CNTNAP2: variants seen among roughly 807,000 people sequenced by gnomAD.
CNTNAP2 encodes the protein contactin associated protein 2, also known as contactin-associated protein-like 2.
CNTNAP2 carries 98 observed loss-of-function variants against 155.2 expected under a neutral mutation model. The ratio of observed to expected loss-of-function variants is 0.63; its 90% CI spans 0.54 to 0.75. CNTNAP2 has a LOEUF of 0.75. CNTNAP2 is among the 30% of genes least tolerant of loss of function. The pLI is 0.00. For missense variants in CNTNAP2, 1,727 were observed against 1,688.1 expected, an observed-to-expected ratio of 1.02 and a Z score of -0.40; for synonymous variants, 651 against 631.2, an observed-to-expected ratio of 1.03 and a Z score of -0.47.
chr7:146,761,028 C>G (rs1010245975), intron 1 of CNTNAP2, among the ~76,000 whole-genome samples: 1 of 152,086 alleles, frequency 6.6e-6, no homozygotes, highest in Non-Finnish European at 1.5e-5. Flanking sequence ...CAAACAGGGT[C>G]AAATGAATAA....
chr7:148,209,073 T>C (rs1056455919), intron 18 of CNTNAP2, among the ~76,000 whole-genome samples: 1 of 152,172 alleles, frequency 6.6e-6, no homozygotes, highest in African/African-American at 2.4e-5. Flanking sequence ...TTTGGCTCTT[T>C]GACTTCTATG....
intron 1 of CNTNAP2, among the ~76,000 whole-genome samples, chr7:146,370,244 A>C (rs907037429): frequency 1.4e-5 from 2 of 145,744 alleles, no homozygotes; most frequent in Non-Finnish European, 3.0e-5. Flanking sequence ...CAATAGGTGA[A>C]ACCCCATCTC....
intron 13 of CNTNAP2, among the ~76,000 whole-genome samples, chr7:147,862,659 A>G (rs1364030966): frequency 6.6e-6 from 1 of 152,070 alleles, no homozygotes; most frequent in East Asian, 1.9e-4. Context: ...ACACACATAT[A>G]CACATACACA....
rs116779990 is a variant in CNTNAP2 at position 147,584,059 on chromosome 7, G to A, written c.1897+21802G>A. Among the ~76,000 whole-genome samples the A allele has an allele frequency of 6.5e-3, 990 of 152,166 alleles. 11 individuals are homozygous for A. The highest frequency in any genetic ancestry group is 0.023 in the African/African-American group (948 of 41,498). ...TGTAGACAGAGAGAACCATTCAGAG[G>A]GCACATCAGTGATTCAAGCCGCAAA... On this transcript the variant is annotated intron_variant, in intron 12 of 23. Coordinates refer to ENST00000361727, the MANE Select transcript of CNTNAP2 (RefSeq NM_014141.6).
chr7:146,659,634 TG>T (rs1428734006), intron 1 of CNTNAP2, among the ~76,000 whole-genome samples: 2 of 152,196 alleles, frequency 1.3e-5, no homozygotes, highest in Non-Finnish European at 2.9e-5. Flanking sequence ...TAACAAAATG[TG>T]TTTAAAGAGT....
rs564667160 is a variant in CNTNAP2 at position 148,336,617 on chromosome 7, G to A, written c.3476-47032G>A. ...AGTAGTCATTTTAACAACTGGCGGAGCCAAGAAAATGCGATCTAGTTTCCC... is the reference window on the plus strand; with the variant it reads ...AGTAGTCATTTTAACAACTGGCGGAACCAAGAAAATGCGATCTAGTTTCCC... On this transcript the variant is annotated intron_variant, in intron 21 of 23. Transcript: ENST00000361727. 2.6e-5 allele frequency among the ~76,000 whole-genome samples: 4 copies of A among 151,728 alleles called. No individual in the cohort carries two copies. In the South Asian group the frequency reaches 8.3e-4, roughly 32 times the overall value.
chr7:148,127,719 T>C (rs1264509429), intron 16 of CNTNAP2, among the ~76,000 whole-genome samples: 2 of 152,240 alleles, frequency 1.3e-5, no homozygotes, highest in Non-Finnish European at 2.9e-5. Flanking sequence ...ACTTTTTATT[T>C]TTAAATAGTT....
chr7:147,719,214 C>T (rs1525255), intron 13 of CNTNAP2, among the ~76,000 whole-genome samples: 112,626 of 151,910 alleles, frequency 0.74, 41,959 homozygotes, highest in East Asian at 0.91. Context: ...GGTACCTAAG[C>T]ACTGCCAAAT....
intron 9 of CNTNAP2, among the ~76,000 whole-genome samples, chr7:147,383,485 A>T (rs905531014): frequency 6.6e-6 from 1 of 152,204 alleles, no homozygotes; most frequent in African/African-American, 2.4e-5. Context: ...TAGTGCTGCA[A>T]TAAACGTACA....
chr7:146,839,795 T>C lies in CNTNAP2; in HGVS notation c.293T>C (p.Ile98Thr), dbSNP rs146331571. 84 of 1,614,028 alleles carry C rather than the reference T, an allele frequency of 5.2e-5. No homozygotes were observed. Among genetic ancestry groups the C allele is most frequent in the Non-Finnish European group, 6.4e-5 (76 of 1,180,036 alleles). ...DFGNRKQISA[I>T]ATQGRYSSSD... ...GGCAATCGGAAGCAGATCAGTGCCA[T>C]TGCAACCCAAGGAAGGTATAGCAGC... Residue 98 changes from isoleucine (I) to threonine (T), a missense_variant, in exon 3 of 24, where the codon ATT becomes ACT. Physicochemically the swap from Ile to Thr is moderately conservative, Grantham distance 89. Coordinates refer to ENST00000361727, the MANE Select transcript of CNTNAP2 (RefSeq NM_014141.6).
At chr7:147,933,663 G>A (rs1377884350) in intron 14 of CNTNAP2, among the ~76,000 whole-genome samples, 4 of 152,176 alleles carry the variant, frequency 2.6e-5, no homozygotes, top group East Asian at 1.9e-4. Flanking sequence ...TCAGGTGTTC[G>A]GGACCAGCCT....
chr7:147,850,582 C>G (rs982403520), intron 13 of CNTNAP2, among the ~76,000 whole-genome samples: 67 of 152,224 alleles, frequency 4.4e-4, no homozygotes, highest in Non-Finnish European at 7.5e-4. Context: ...ATATATAGAC[C>G]AATGGAACAG....
Position 147,637,630 on chromosome 7 carries a change from G to A in CNTNAP2, c.1898-1476G>A, listed in dbSNP as rs536132199. ...GTCTATAGAGTTTCCCACGGGCAGGGATTTCATGGAGTATTTCCCTGTGTG... is the reference window on the plus strand; with the variant it reads ...GTCTATAGAGTTTCCCACGGGCAGGAATTTCATGGAGTATTTCCCTGTGTG... On this transcript the variant is annotated intron_variant, in intron 12 of 23. Transcript: ENST00000361727. Among the ~76,000 whole-genome samples the A allele has an allele frequency of 4.6e-5, 7 of 152,196 alleles. No homozygotes were observed. In the South Asian group the frequency reaches 1.2e-3, roughly 27 times the overall value.
chr7:146,872,786 A>C (rs1795340321), intron 3 of CNTNAP2, among the ~76,000 whole-genome samples: 1 of 152,174 alleles, frequency 6.6e-6, no homozygotes, highest in Non-Finnish European at 1.5e-5. Context: ...CTACACTTAA[A>C]TGATTGTCTT....
intron 1 of CNTNAP2, among the ~76,000 whole-genome samples, chr7:146,663,721 G>GGT (rs1360946610): frequency 3.9e-5 from 6 of 151,980 alleles, no homozygotes; most frequent in Admixed American, 3.9e-4. Flanking sequence ...CTATGACCTT[G>GGT]GTATACTCAC....
At chr7:146,728,359 C>T (rs1483903945) in intron 1 of CNTNAP2, among the ~76,000 whole-genome samples, 1 of 152,040 alleles carries the variant, frequency 6.6e-6, no homozygotes, top group Non-Finnish European at 1.5e-5. Flanking sequence ...GTGAGTTTCA[C>T]CCTTATCAGA....
At chr7:147,456,359 A>G (rs867192162) in intron 10 of CNTNAP2, among the ~76,000 whole-genome samples, 27 of 152,180 alleles carry the variant, frequency 1.8e-4, no homozygotes, top group African/African-American at 6.5e-4. Flanking sequence ...CAATGAAACA[A>G]CTAGTATATA....
intron 1 of CNTNAP2, among the ~76,000 whole-genome samples, chr7:146,161,975 C>T (rs1170960431): frequency 6.6e-6 from 1 of 152,090 alleles, no homozygotes; most frequent in African/African-American, 2.4e-5. Flanking sequence ...AAAGCTGAAA[C>T]TGGATCCCTT....
At chr7:146,265,343 C>A (rs1799978165) in intron 1 of CNTNAP2, among the ~76,000 whole-genome samples, 1 of 151,718 alleles carries the variant, frequency 6.6e-6, no homozygotes, top group Non-Finnish European at 1.5e-5. Flanking sequence ...GGATTTGTGA[C>A]AAGATAATTG....
Sources: allele counts gnomAD v4.1 joint callset (sites outside exome capture counted in the v4.1 genomes callset), GRCh38; gene constraint gnomAD v4.1.1; transcripts MANE v1.5; gene names NCBI Gene and HGNC (gene_info 2026-07-23, HGNC 2026-07-21).